Variants in ITIH5 observed in about 807,000 individuals in gnomAD.
The protein encoded by ITIH5 is inter-alpha-trypsin inhibitor heavy chain 5.
Under a neutral mutation model 77.5 loss-of-function variants are expected in ITIH5, and 65 were observed. The ratio of observed to expected loss-of-function variants is 0.84; its 90% CI spans 0.69 to 1.03. The LOEUF (loss-of-function observed/expected upper bound fraction) is 1.03. Ranked by LOEUF, ITIH5 falls within the 50% of genes least tolerant of loss-of-function variation. ITIH5 has a pLI of 0.00. For synonymous variants in ITIH5, 525 were observed against 494.3 expected (o/e 1.06, Z -0.82); for missense variants, 1,208 against 1,213.1 (o/e 1.00, Z 0.06).
At position 7,559,727 on chromosome 10, in the gene ITIH5, G is replaced by A; in HGVS notation, c.*3356C>T. The A allele has an allele frequency of 2.3e-6, 1 of 437,112 alleles. No individual in the cohort carries two copies. The highest frequency in any genetic ancestry group is 1.6e-5 in the South Asian group (1 of 60,708). 27.1% of individuals were successfully genotyped at this position (437,112 alleles called of 1,614,324 possible). On this transcript the variant is annotated 3_prime_UTR_variant, in exon 14 of 14. Coordinates refer to ENST00000397146, the MANE Select transcript of ITIH5 (RefSeq NM_030569.7). ...CAGTTCTGGAGGCTGGGAGGTCCAA[G>A]ATCAAGGTGCCAGCAGACATGGTGT...
intron 7 of ITIH5, among the ~76,000 whole-genome samples, chr10:7,612,661 T>G (rs1345892569): frequency 2.0e-5 from 3 of 150,898 alleles, no homozygotes; most frequent in Middle Eastern, 3.2e-3. Context: ...AAGCTGTGTT[T>G]TTTTTTTTTT....
chr10:7,652,861 T>TA (rs1834122910), intron 2 of ITIH5, among the ~76,000 whole-genome samples: 1 of 150,438 alleles, frequency 6.6e-6, no homozygotes, highest in African/African-American at 2.4e-5. Context: ...ATGAGGTGGA[T>TA]AAAAAACACA....
At chr10:7,631,523 A>AT (rs1833712190) in intron 5 of ITIH5, among the ~76,000 whole-genome samples, 1 of 152,280 alleles carries the variant, frequency 6.6e-6, no homozygotes, top group East Asian at 1.9e-4. Flanking sequence ...GAGATACCTA[A>AT]TTTAACGAGC....
At chr10:7,664,399 CAAA>C (rs35992152) in intron 1 of ITIH5, among the ~76,000 whole-genome samples, 1 of 118,678 alleles carries the variant, frequency 8.4e-6, no homozygotes, top group African/African-American at 3.2e-5. Flanking sequence ...GATTCCGTCT[CAAA>C]AAAAAAAAAA....
chr10:7,582,171 G>A lies in ITIH5; in HGVS notation c.1109-2107C>T, dbSNP rs188302901. ...TTACTGGCAGGGGCCACAGCACCTG[G>A]CCCCATGTATTCTTAAATTTACTAC... is the stretch of plus-strand genomic sequence containing the variant. On this transcript the variant is annotated intron_variant, in intron 8 of 13. Coordinates refer to ENST00000397146, the MANE Select transcript of ITIH5 (RefSeq NM_030569.7). 7.9e-5 allele frequency among the ~76,000 whole-genome samples: 12 copies of A among 152,236 alleles called. No individual in the cohort carries two copies. In the South Asian group the frequency reaches 2.3e-3, roughly 29 times the overall value.
At chr10:7,613,173 G>T (rs1202343704) in intron 7 of ITIH5, among the ~76,000 whole-genome samples, 1 of 151,446 alleles carries the variant, frequency 6.6e-6, no homozygotes, top group Non-Finnish European at 1.5e-5. Context: ...TTGAACCCAG[G>T]AGGCAGAGGC....
At chr10:7,650,858 G>A (rs556908208) in intron 2 of ITIH5, among the ~76,000 whole-genome samples, 1 of 152,240 alleles carries the variant, frequency 6.6e-6, no homozygotes, top group African/African-American at 2.4e-5. Flanking sequence ...ACAGGAAATG[G>A]CATCGGTTCT....
rs540585353 is a variant in ITIH5 at position 7,651,967 on chromosome 10, A to G, written c.135+3664T>C. On this transcript the variant is annotated intron_variant, in intron 2 of 13. Transcript: ENST00000397146. ...CTGTCTGTGTATCTTACCACACTCA[A>G]TAGAAACAAACCCTGAGCACAAACT... Among the ~76,000 whole-genome samples, 11 of 152,260 alleles carry G rather than the reference A, an allele frequency of 7.2e-5. No individual in the cohort carries two copies. In the South Asian group the frequency reaches 2.1e-3, roughly 29 times the overall value.
intron 2 of ITIH5, among the ~76,000 whole-genome samples, chr10:7,650,824 G>A (rs1386413378): frequency 6.6e-6 from 1 of 151,986 alleles, no homozygotes; most frequent in Non-Finnish European, 1.5e-5. Flanking sequence ...ACCACCTCGG[G>A]GAAATCATTT....
intron 11 of ITIH5, 30 bp downstream of exon 11, chr10:7,573,112 A>G: frequency 1.2e-6 from 2 of 1,601,676 alleles, no homozygotes; most frequent in Admixed American, 1.7e-5. Context: ...CTTACTCTCA[A>G]TCCACACACA....
At chr10:7,573,406 T>A (rs1832343938) in intron 10 of ITIH5, among the ~76,000 whole-genome samples, 1 of 151,568 alleles carries the variant, frequency 6.6e-6, no homozygotes, top group African/African-American at 2.4e-5. Flanking sequence ...GTGGCTCATG[T>A]CCATAATCCC....
chr10:7,600,988 A>G (rs975684465), intron 7 of ITIH5, among the ~76,000 whole-genome samples: 1 of 152,202 alleles, frequency 6.6e-6, no homozygotes, highest in Non-Finnish European at 1.5e-5. Context: ...TACTCAGTCT[A>G]TGGCACATAT....
intron 2 of ITIH5, among the ~76,000 whole-genome samples, chr10:7,646,925 A>G (rs1834017290): frequency 6.6e-6 from 1 of 152,228 alleles, no homozygotes; most frequent in African/African-American, 2.4e-5. Context: ...CAAAGCAGGC[A>G]CAAAGGCACA....
chr10:7,633,671 GA>G (rs1206809547), intron 5 of ITIH5, among the ~76,000 whole-genome samples: 18 of 146,342 alleles, frequency 1.2e-4, no homozygotes, highest in East Asian at 7.9e-4. Flanking sequence ...AATGGGGATT[GA>G]AAAAAAAAAG....
chr10:7,563,086 G>A lies in ITIH5; in HGVS notation c.2826C>T (p.Leu942=). The change falls in exon 14 of 14, where the codon CTC becomes CTT. Residue 942 remains leucine, a synonymous_variant. Transcript: ENST00000397146. ...MTLGRGMSRE[L] is the part of the protein sequence containing the mutation. Reference sequence around the variant, plus strand: ...TGCATCTTTAAGGCTGCCAGCTTCAGAGCTCCCTGGACATTCCCCGGCCAA... The same window carrying A: ...TGCATCTTTAAGGCTGCCAGCTTCAAAGCTCCCTGGACATTCCCCGGCCAA... The A allele has an allele frequency of 6.2e-7, 1 of 1,613,016 alleles. No individual in the cohort carries two copies. Among genetic ancestry groups the A allele is most frequent in the South Asian group, 1.1e-5 (1 of 91,072 alleles).
chr10:7,592,831 G>A (rs542411283), intron 7 of ITIH5, among the ~76,000 whole-genome samples: 1 of 152,316 alleles, frequency 6.6e-6, no homozygotes, highest in African/African-American at 2.4e-5. Flanking sequence ...CACCCAGGAA[G>A]GACTGAAGGT....
At chr10:7,577,612 G>C (rs1283124412) in intron 9 of ITIH5, among the ~76,000 whole-genome samples, 1 of 152,214 alleles carries the variant, frequency 6.6e-6, no homozygotes, top group Admixed American at 6.5e-5. Context: ...TCGTGAGTTT[G>C]TGCGTATAAC....
intron 12 of ITIH5, among the ~76,000 whole-genome samples, chr10:7,568,033 T>C (rs577107238): frequency 3.3e-4 from 51 of 152,252 alleles, no homozygotes; most frequent in African/African-American, 1.1e-3. Context: ...ATTATGAACA[T>C]CACTGGGGCT....
At chr10:7,619,473 G>A (rs757426088) in intron 5 of ITIH5, 2 of 167,426 alleles carry the variant, frequency 1.2e-5, no homozygotes, top group Non-Finnish European at 2.7e-5. Flanking sequence ...TTCACAGTCA[G>A]CAGTCATGCT....
Sources: allele counts gnomAD v4.1 joint callset (sites outside exome capture counted in the v4.1 genomes callset), GRCh38; gene constraint gnomAD v4.1.1; transcripts MANE v1.5; gene names NCBI Gene and HGNC (gene_info 2026-07-23, HGNC 2026-07-21).